The following LRRC4C variants were observed in gnomAD, a reference collection of about 807,000 sequenced individuals.
The protein encoded by LRRC4C is leucine-rich repeat-containing protein 4C.
A neutral mutation model predicts 33.6 loss-of-function variants in LRRC4C; 5 were observed. The ratio of observed to expected loss-of-function variants is 0.15; its 90% CI spans 0.08 to 0.31. The LOEUF is 0.31. Ranked by LOEUF, LRRC4C falls within the 10% of genes least tolerant of loss-of-function variation. The pLI is 1.00. For synonymous variants in LRRC4C, 329 were observed against 302.0 expected (o/e 1.09, Z -0.93); for missense variants, 560 against 796.7 (o/e 0.70, Z 3.58).
intron 4 of LRRC4C, among the ~76,000 whole-genome samples, chr11:40,242,201 T>C (rs1865972728): frequency 6.6e-6 from 1 of 152,310 alleles, no homozygotes; most frequent in East Asian, 1.9e-4. Context: ...TCTTATTGCA[T>C]TACAATTTTA....
intron 1 of LRRC4C, among the ~76,000 whole-genome samples, chr11:41,224,615 C>T (rs1435708052): frequency 6.6e-6 from 1 of 152,152 alleles, no homozygotes; most frequent in Non-Finnish European, 1.5e-5. Context: ...CCTTTAATCA[C>T]ATTTGTTTAA....
intron 2 of LRRC4C, among the ~76,000 whole-genome samples, chr11:40,715,183 T>C (rs899747889): frequency 1.2e-4 from 18 of 152,292 alleles, no homozygotes; most frequent in African/African-American, 3.8e-4. Context: ...CAGACTATTT[T>C]CCAAAATAAA....
At chr11:40,904,790 T>A (rs756963279) in intron 2 of LRRC4C, among the ~76,000 whole-genome samples, 14 of 152,168 alleles carry the variant, frequency 9.2e-5, no homozygotes, top group Non-Finnish European at 1.8e-4. Context: ...TAAAGTCCTA[T>A]GCTAGGCAAA....
At chr11:41,239,459 T>A (rs1043939534) in intron 1 of LRRC4C, among the ~76,000 whole-genome samples, 2 of 151,980 alleles carry the variant, frequency 1.3e-5, no homozygotes, top group South Asian at 2.1e-4. Context: ...ATACACACAC[T>A]GCTGCAACTA....
chr11:40,556,951 A>G (rs1430166203), intron 3 of LRRC4C, among the ~76,000 whole-genome samples: 1 of 152,088 alleles, frequency 6.6e-6, no homozygotes, highest in Non-Finnish European at 1.5e-5. Context: ...TGTAAGTATA[A>G]TTTAGGCATC....
chr11:41,173,032 G>A (rs1413776484), intron 1 of LRRC4C, among the ~76,000 whole-genome samples: 1 of 152,114 alleles, frequency 6.6e-6, no homozygotes, highest in Non-Finnish European at 1.5e-5. Context: ...ATCACCAATA[G>A]AGTTTCTAAA....
At chr11:41,138,195 C>T (rs1943349298) in intron 1 of LRRC4C, among the ~76,000 whole-genome samples, 1 of 152,244 alleles carries the variant, frequency 6.6e-6, no homozygotes, top group Non-Finnish European at 1.5e-5. Flanking sequence ...GCTGACATCT[C>T]TTGAGCCTTA....
intron 1 of LRRC4C, among the ~76,000 whole-genome samples, chr11:41,289,188 A>T (rs1949922758): frequency 6.6e-6 from 1 of 152,212 alleles, no homozygotes; most frequent in Non-Finnish European, 1.5e-5. Flanking sequence ...TTTCTCTTTA[A>T]TGAGAAAATA....
intron 2 of LRRC4C, among the ~76,000 whole-genome samples, chr11:40,886,939 C>T (rs7937557): frequency 0.92 from 137,202 of 148,914 alleles, 63,390 homozygotes; most frequent in Middle Eastern, 0.99. Flanking sequence ...TATACGTGTA[C>T]GTATATATAC....
At chr11:40,695,502 A>G (rs2136435302) in intron 2 of LRRC4C, among the ~76,000 whole-genome samples, 1 of 152,292 alleles carries the variant, frequency 6.6e-6, no homozygotes, top group Non-Finnish European at 1.5e-5. Flanking sequence ...TCTATTGCTA[A>G]TGTAACAAAT....
chr11:41,225,001 A>T (rs1947466755), intron 1 of LRRC4C, among the ~76,000 whole-genome samples: 1 of 152,194 alleles, frequency 6.6e-6, no homozygotes, highest in African/African-American at 2.4e-5. Context: ...GGAGGATATT[A>T]TGTTAACTGA....
chr11:40,912,104 A>C (rs548209496), intron 2 of LRRC4C, among the ~76,000 whole-genome samples: 68 of 152,310 alleles, frequency 4.5e-4, no homozygotes, highest in Non-Finnish European at 7.4e-4. Context: ...AGAATGGAAC[A>C]AAGTTGGAAA....
intron 3 of LRRC4C, among the ~76,000 whole-genome samples, chr11:40,593,895 G>A (rs4756605): frequency 0.26 from 39,133 of 151,972 alleles, 5,357 homozygotes; most frequent in Middle Eastern, 0.37. Context: ...AAGGTGACAG[G>A]AACAAGTTAA....
chr11:41,400,211 A>G (rs991242798), intron 1 of LRRC4C, among the ~76,000 whole-genome samples: 4 of 151,946 alleles, frequency 2.6e-5, no homozygotes, highest in African/African-American at 9.7e-5. Flanking sequence ...GTAAGAGTAA[A>G]AATGTGCATA....
intron 1 of LRRC4C, among the ~76,000 whole-genome samples, chr11:41,052,821 G>C (rs938998349): frequency 1.4e-4 from 22 of 152,110 alleles, no homozygotes; most frequent in African/African-American, 5.1e-4. Context: ...TTTACAAAAT[G>C]ATAATTACAT....
At chr11:40,949,371 A>G (rs911703612) in intron 1 of LRRC4C, among the ~76,000 whole-genome samples, 10 of 152,198 alleles carry the variant, frequency 6.6e-5, no homozygotes, top group African/African-American at 2.4e-4. Flanking sequence ...TCTTTAGTTT[A>G]ATTAGATCCC....
chr11:40,239,283 C>T (rs1031829513), intron 5 of LRRC4C, among the ~76,000 whole-genome samples: 13 of 152,044 alleles, frequency 8.6e-5, no homozygotes, highest in African/African-American at 2.9e-4. Flanking sequence ...TTTTCATGTC[C>T]GTATCCTCTA....
intron 1 of LRRC4C, among the ~76,000 whole-genome samples, chr11:41,317,979 CTAA>C (rs1274221213): frequency 4.6e-5 from 7 of 151,748 alleles, no homozygotes; most frequent in Non-Finnish European, 7.4e-5. Context: ...AGGTATATGC[CTAA>C]TAATAAGGAA....
intron 2 of LRRC4C, among the ~76,000 whole-genome samples, chr11:40,845,043 T>C (rs1025224960): frequency 1.3e-5 from 2 of 152,192 alleles, no homozygotes; most frequent in African/African-American, 4.8e-5. Flanking sequence ...TTTAGTTTTC[T>C]TTAAAAATGT....
Sources: gnomAD v4.1 joint callset for allele counts (sites outside exome capture counted in the v4.1 genomes callset) on GRCh38, gnomAD v4.1.1 for gene constraint, MANE v1.5 for transcripts, NCBI Gene and HGNC (gene_info 2026-07-23, HGNC 2026-07-21) for gene names.